The following GTF2A1 variants were observed in gnomAD, a reference collection of about 807,000 sequenced individuals.
GTF2A1 encodes general transcription factor IIA subunit 1.
Under a neutral mutation model 54.1 loss-of-function variants are expected in GTF2A1, and 12 were observed. The ratio of observed to expected loss-of-function variants is 0.22; its 90% CI spans 0.14 to 0.36. The LOEUF is 0.36. Among genes scored for constraint, GTF2A1 ranks in the 10% least tolerant of loss-of-function variants. GTF2A1 has a pLI of 1.00. For synonymous variants in GTF2A1, 145 were observed against 152.0 expected (o/e 0.95, Z 0.34); for missense variants, 335 against 442.2 (o/e 0.76, Z 2.17).
At chr14:81,185,725 C>A in intron 7 of GTF2A1, 105 bp from the exon 8 acceptor site, 3 of 567,290 alleles carry the variant, frequency 5.3e-6, no homozygotes. Context: ...ATGCCAAATG[C>A]ATATATGTAC....
Position 81,203,914 on chromosome 14 carries a change from G to T in GTF2A1, c.323C>A (p.Pro108His). Residue 108 changes from proline to histidine, a missense_variant, in exon 3 of 9, where the codon CCT (proline) becomes CAT (histidine). Pro to His is a moderately conservative substitution (Grantham distance 77, BLOSUM62 -2). Around this residue, in one of 2 missense-constraint regions of GTF2A1, gnomAD observed 306 missense variants for 360.4 expected, o/e 0.85. Coordinates refer to ENST00000553612, the MANE Select transcript of GTF2A1 (RefSeq NM_015859.4). ...TCCAGTCTCACCTTGCTGTGATGCAGGAATAAGAACCTGCTGGGTCTGCGC... is the reference window on the plus strand; with the variant it reads ...TCCAGTCTCACCTTGCTGTGATGCATGAATAAGAACCTGCTGGGTCTGCGC... ...QQAQTQQVLIPASQQATAPQV... is the reference protein window; with the variant it reads ...QQAQTQQVLIHASQQATAPQV... 1 of 1,613,646 alleles carries T rather than the reference G, an allele frequency of 6.2e-7. No individual in the cohort carries two copies. Among genetic ancestry groups the T allele is most frequent in the South Asian group, 1.1e-5 (1 of 91,068 alleles).
At position 81,176,042 on chromosome 14, in the gene GTF2A1, G is replaced by A. The variant is rs1213644899; in HGVS notation, c.*4181C>T. 1.3e-5 allele frequency: 2 copies of A among 151,956 alleles called. No homozygotes were observed. 9.4% of individuals were successfully genotyped at this position (151,956 alleles called of 1,614,324 possible). A position where few individuals can be genotyped will look rare whatever the true frequency, so the allele number is the denominator to read the frequency against. Reference sequence around the variant, plus strand: ...AGCATCTTTTTGTTGTTGTTAAATGGAATTCTCATTAACAATGTAAAGCAT... The same window carrying A: ...AGCATCTTTTTGTTGTTGTTAAATGAAATTCTCATTAACAATGTAAAGCAT... On this transcript the variant is annotated 3_prime_UTR_variant, in exon 9 of 9. Transcript: ENST00000553612.
chr14:81,197,383 A>T (rs1475605383), intron 5 of GTF2A1, 26 bp downstream of exon 5: 2 of 1,247,016 alleles, frequency 1.6e-6, no homozygotes, highest in Non-Finnish European at 2.3e-6. Context: ...ATTACATTTT[A>T]AAATGGTTCC....
chr14:81,195,338 A>G (rs1028943211), intron 6 of GTF2A1, among the ~76,000 whole-genome samples: 2 of 150,886 alleles, frequency 1.3e-5, no homozygotes, highest in African/African-American at 4.9e-5. Flanking sequence ...AACTGCAGTT[A>G]AAGAAAAAAA....
At chr14:81,184,692 C>G (rs918342039) in intron 8 of GTF2A1, among the ~76,000 whole-genome samples, 1 of 152,178 alleles carries the variant, frequency 6.6e-6, no homozygotes, top group Non-Finnish European at 1.5e-5. Context: ...ATGAATTTTA[C>G]ATGTTCATAA....
At position 81,192,786 on chromosome 14, in the gene GTF2A1, C is replaced by T. The variant is rs774588325; in HGVS notation, c.666G>A (p.Gln222=). 1 of 1,613,718 alleles carries T rather than the reference C, an allele frequency of 6.2e-7. No individual in the cohort carries two copies. The highest frequency in any genetic ancestry group is 8.5e-7 in the Non-Finnish European group (1 of 1,179,598). The change falls in exon 7 of 9, where the codon CAG becomes CAA. Residue 222 remains glutamine (Q), a synonymous_variant. Transcript: ENST00000553612. ...GISPQTGVII[Q]PQQILFTGNK... ...TTCCTGTAAATAAGATTTGCTGAGG[C>T]TGGATGATGACACCTGTCTGTGGTG...
At chr14:81,198,381 T>G in intron 4 of GTF2A1, among the ~76,000 whole-genome samples, 1 of 152,074 alleles carries the variant, frequency 6.6e-6, no homozygotes, top group East Asian at 1.9e-4. Context: ...AAGGTGGAGG[T>G]TGCAGTGAGC....
chr14:81,201,806 T>C, intron 3 of GTF2A1, 148 bp from the exon 4 acceptor site: 1 of 625,602 alleles, frequency 1.6e-6, no homozygotes, highest in Non-Finnish European at 2.9e-6. Flanking sequence ...TCTCAGGACA[T>C]TATAAATGTA....
rs370948773 is a variant in GTF2A1, at chr14:81,193,394, C to T, written c.613-555G>A. Among the ~76,000 whole-genome samples the T allele has an allele frequency of 1.3e-3, 191 of 152,168 alleles. 1 individual carries two copies. Among genetic ancestry groups the T allele is most frequent in the African/African-American group, 4.4e-3 (181 of 41,504 alleles). ...GTTGGTCAGGCTGGTCTCGAACTCACGACCTCATGATCCGCCCGCCTCCCA... is the reference window on the plus strand; with the variant it reads ...GTTGGTCAGGCTGGTCTCGAACTCATGACCTCATGATCCGCCCGCCTCCCA... On this transcript the variant is annotated intron_variant, in intron 6 of 8. Coordinates refer to ENST00000553612, the MANE Select transcript of GTF2A1 (RefSeq NM_015859.4).
At chr14:81,210,062 G>T in intron 2 of GTF2A1, 2 of 263,178 alleles carry the variant, frequency 7.6e-6, no homozygotes, top group Non-Finnish European at 7.8e-6. Flanking sequence ...GAAATATGCA[G>T]GAATTGCAAC....
rs1892569914 is a variant in GTF2A1, at chr14:81,178,322, GAAC to G, written c.*1898_*1900del. Reference sequence around the variant, plus strand: ...CTAGCAACTATATTGAAGAACAGTTGAACAACAGCACTTCTGTGATGTTACTCC... The same window carrying G: ...CTAGCAACTATATTGAAGAACAGTTGAACAGCACTTCTGTGATGTTACTCC... On this transcript the variant is annotated 3_prime_UTR_variant, in exon 9 of 9. Coordinates refer to ENST00000553612, the MANE Select transcript of GTF2A1 (RefSeq NM_015859.4). 1 of 152,038 alleles carries G rather than the reference GAAC, an allele frequency of 6.6e-6. No individual in the cohort carries two copies. Among genetic ancestry groups the G allele is most frequent in the Non-Finnish European group, 1.5e-5 (1 of 67,974 alleles). The allele number at this position is 152,038 out of a possible 1,614,324, so 9.4% of individuals were successfully genotyped here.
chr14:81,206,627 G>A (rs1893236705), intron 2 of GTF2A1, among the ~76,000 whole-genome samples: 1 of 152,174 alleles, frequency 6.6e-6, no homozygotes, highest in Non-Finnish European at 1.5e-5. Flanking sequence ...TGAATCAGCA[G>A]CTCTGGGGGT....
intron 8 of GTF2A1, among the ~76,000 whole-genome samples, chr14:81,182,113 T>A (rs1377998397): frequency 6.6e-6 from 1 of 151,604 alleles, no homozygotes; most frequent in Admixed American, 6.6e-5. Flanking sequence ...AAAAAAAAAA[T>A]CACTCAATCA....
intron 6 of GTF2A1, among the ~76,000 whole-genome samples, chr14:81,194,546 CATA>C (rs531311799): frequency 2.6e-5 from 4 of 152,280 alleles, no homozygotes; most frequent in Admixed American, 2.6e-4. Flanking sequence ...TTGTCTCTAT[CATA>C]ATACTATTTT....
rs766671193 is a variant in GTF2A1 at position 81,192,588 on chromosome 14, TTCTTCA to T, written c.858_863del (p.Asp286_Glu287del). The T allele has an allele frequency of 1.6e-4, 252 of 1,613,194 alleles. No homozygotes were observed. The highest frequency in any genetic ancestry group is 2.0e-4 in the Non-Finnish European group (237 of 1,179,072). ...CCTCCTCATCATCATCATAGTCTTC[TTCTTCA>T]TCTTCATCTTCTTCAGATGATGTAT... On this transcript the variant is annotated inframe_deletion, in exon 7 of 9. Coordinates refer to ENST00000553612, the MANE Select transcript of GTF2A1 (RefSeq NM_015859.4).
At chr14:81,197,632 G>A in intron 4 of GTF2A1, 148 bp from the exon 5 acceptor site, 1 of 510,740 alleles carries the variant, frequency 2.0e-6, no homozygotes. Context: ...TTTATAAAAT[G>A]GTACAAGACT....
chr14:81,193,482 A>G (rs556119948), intron 6 of GTF2A1, among the ~76,000 whole-genome samples: 1 of 152,260 alleles, frequency 6.6e-6, no homozygotes, highest in Non-Finnish European at 1.5e-5. Context: ...TTTTGTCTAA[A>G]GTCAGACATA....
At chr14:81,182,382 C>G (rs184927808) in intron 8 of GTF2A1, among the ~76,000 whole-genome samples, 109 of 152,332 alleles carry the variant, frequency 7.2e-4, no homozygotes, top group African/African-American at 2.6e-3. Context: ...GCAGCTTTTC[C>G]TCATCTGAAC....
At chr14:81,210,054 A>T (rs1893328695) in intron 2 of GTF2A1, 1 of 131,356 alleles carries the variant, frequency 7.6e-6, no homozygotes, top group African/African-American at 2.9e-5. Context: ...TCCCACAAGA[A>T]ATATGCAGGA....
Sources: gnomAD v4.1 joint callset for allele counts (sites outside exome capture counted in the v4.1 genomes callset) on GRCh38, gnomAD v4.1.1 for gene constraint, gnomAD v4.1.1 regional missense constraint, MANE v1.5 for transcripts, NCBI Gene and HGNC (gene_info 2026-07-23, HGNC 2026-07-21) for gene names.